The following DZANK1 variants were observed in gnomAD, a reference collection of about 807,000 sequenced individuals.
The protein encoded by DZANK1 is double zinc ribbon and ankyrin repeat domains 1.
A neutral mutation model predicts 94.5 loss-of-function variants in DZANK1; 91 were observed. The observed-to-expected ratio is 0.96, with a 90% CI of 0.81 to 1.15. DZANK1 has a LOEUF of 1.15. DZANK1 is among the 50% of genes most tolerant of loss of function. The pLI is 0.00. For synonymous variants in DZANK1, 312 were observed against 325.3 expected (o/e 0.96, Z 0.44); for missense variants, 903 against 916.4 (o/e 0.99, Z 0.19).
chr20:18,466,116 A>G (rs1466444106), intron 1 of DZANK1, among the ~76,000 whole-genome samples: 2 of 152,202 alleles, frequency 1.3e-5, no homozygotes, highest in Admixed American at 6.5e-5. Flanking sequence ...AGAAGGTTTC[A>G]GGGGGAAAAA....
chr20:18,443,319 A>G, intron 8 of DZANK1, 28 bp downstream of exon 8: 8 of 1,384,714 alleles, frequency 5.8e-6, no homozygotes, highest in Non-Finnish European at 8.0e-6. Context: ...AACCAATGAA[A>G]GATGTTTTTA....
Position 18,415,323 on chromosome 20 carries a change from C to A in DZANK1, c.1077+4G>T. The A allele has an allele frequency of 6.5e-7, 1 of 1,531,430 alleles. No homozygotes were observed. The highest frequency in any genetic ancestry group is 8.8e-7 in the Non-Finnish European group (1 of 1,135,088). The allele number at this position is 1,531,430 out of a possible 1,614,324, so 94.9% of individuals were successfully genotyped here. ...ATACAGAATCTCAGTTTTAAAATAC[C>A]CACCATGGCTCCACACCAGCCGCAG... On this transcript the variant is annotated splice_donor_region_variant and intron_variant, in intron 11 of 20. Transcript: ENST00000262547.
chr20:18,410,645 C>CA (rs566905772), intron 13 of DZANK1, among the ~76,000 whole-genome samples: 5 of 151,918 alleles, frequency 3.3e-5, no homozygotes, highest in South Asian at 4.2e-4. Flanking sequence ...TCAGAATGGA[C>CA]AAAAAACCCT....
intron 13 of DZANK1, among the ~76,000 whole-genome samples, chr20:18,411,562 C>G (rs967740709): frequency 1.3e-5 from 2 of 151,898 alleles, no homozygotes; most frequent in African/African-American, 4.8e-5. Flanking sequence ...TAGTTAATAC[C>G]AATTCTTCAT....
At chr20:18,435,763 T>TAAA (rs527816359) in intron 8 of DZANK1, among the ~76,000 whole-genome samples, 1 of 138,830 alleles carries the variant, frequency 7.2e-6, no homozygotes. Context: ...AAAGTATAAT[T>TAAA]AAAAAAAAAA....
intron 2 of DZANK1, among the ~76,000 whole-genome samples, chr20:18,464,663 G>A (rs957410287): frequency 2.0e-5 from 3 of 147,474 alleles, no homozygotes; most frequent in Non-Finnish European, 4.5e-5. Flanking sequence ...GGGGAGCACC[G>A]GGACTTTTTT....
At chr20:18,420,163 G>C (rs2057708873) in intron 10 of DZANK1, 1 of 198,520 alleles carries the variant, frequency 5.0e-6, no homozygotes, top group African/African-American at 2.3e-5. Flanking sequence ...ATAATGGTCA[G>C]TGTTTTAAAG....
intron 10 of DZANK1, among the ~76,000 whole-genome samples, chr20:18,426,417 C>T (rs2058046727): frequency 6.6e-6 from 1 of 152,118 alleles, no homozygotes; most frequent in South Asian, 2.1e-4. Flanking sequence ...AGGAATCTGT[C>T]CGAGATGAGA....
chr20:18,447,281 G>A, intron 7 of DZANK1, among the ~76,000 whole-genome samples: 1 of 151,860 alleles, frequency 6.6e-6, no homozygotes, highest in East Asian at 2.0e-4. Flanking sequence ...TTCTAGACTA[G>A]CCTGGCCAAC....
chr20:18,424,200 A>G, intron 10 of DZANK1, among the ~76,000 whole-genome samples: 1 of 152,246 alleles, frequency 6.6e-6, no homozygotes. Flanking sequence ...CTGTAATCCC[A>G]GCACTTTGGG....
chr20:18,427,023 A>T (rs746809467), intron 10 of DZANK1, 44 bp downstream of exon 10: 1 of 1,405,146 alleles, frequency 7.1e-7, no homozygotes, highest in Non-Finnish European at 9.9e-7. Context: ...TAACATTGAC[A>T]TAGTAGCCAC....
rs879296328 is a variant in DZANK1, at chr20:18,399,867, T to G, written c.1433-1241A>C. Among the ~76,000 whole-genome samples, 9 of 152,302 alleles carry G rather than the reference T, an allele frequency of 5.9e-5. 1 individual carries two copies. Among genetic ancestry groups the G allele is most frequent in the Admixed American group, 4.6e-4 (7 of 15,302 alleles). On this transcript the variant is annotated intron_variant, in intron 13 of 20. Transcript: ENST00000262547. ...GCCCCTGCTGTGCCCTGTGGCCACTTGACTCTGCAAACCCACATTGGATCC... is the reference window on the plus strand; with the variant it reads ...GCCCCTGCTGTGCCCTGTGGCCACTGGACTCTGCAAACCCACATTGGATCC...
chr20:18,455,375 T>G lies in DZANK1; in HGVS notation c.264-14A>C. ...TGTCTGCAGTCTCTGAAAATTATTA[T>G]TAAGAAAGGAAAAAGTCTGTGTTAC... is the stretch of plus-strand genomic sequence containing the variant. On this transcript the variant is annotated splice_polypyrimidine_tract_variant and intron_variant, in intron 3 of 20. Transcript: ENST00000262547. 6.4e-7 allele frequency: 1 copy of G among 1,557,496 alleles called. No homozygotes were observed. Among genetic ancestry groups the G allele is most frequent in the Non-Finnish European group, 8.7e-7 (1 of 1,146,062 alleles).
chr20:18,437,172 A>G (rs1198571091), intron 8 of DZANK1, among the ~76,000 whole-genome samples: 1 of 152,232 alleles, frequency 6.6e-6, no homozygotes, highest in Non-Finnish European at 1.5e-5. Flanking sequence ...TTTAAATGAC[A>G]TAAGATTGTA....
intron 14 of DZANK1, among the ~76,000 whole-genome samples, chr20:18,398,132 C>CTGAT (rs1462073237): frequency 6.6e-6 from 1 of 152,166 alleles, no homozygotes; most frequent in Non-Finnish European, 1.5e-5. Flanking sequence ...GAATACAATG[C>CTGAT]TGATGCTGGG....
intron 13 of DZANK1, among the ~76,000 whole-genome samples, chr20:18,402,377 T>C (rs1332045620): frequency 6.6e-6 from 1 of 152,080 alleles, no homozygotes; most frequent in Non-Finnish European, 1.5e-5. Context: ...ATCAGGCATG[T>C]GCACTAAGAA....
chr20:18,445,927 T>C (rs2058861413), intron 7 of DZANK1, among the ~76,000 whole-genome samples: 1 of 151,998 alleles, frequency 6.6e-6, no homozygotes, highest in Non-Finnish European at 1.5e-5. Flanking sequence ...CTAATTTTTT[T>C]TTGGTATGTA....
At chr20:18,397,648 C>T (rs1286627808) in intron 14 of DZANK1, among the ~76,000 whole-genome samples, 3 of 152,192 alleles carry the variant, frequency 2.0e-5, no homozygotes, top group African/African-American at 7.2e-5. Context: ...GAGGGCATAG[C>T]AGAGATAGCT....
At chr20:18,400,673 A>G (rs780692248) in intron 13 of DZANK1, among the ~76,000 whole-genome samples, 47 of 152,206 alleles carry the variant, frequency 3.1e-4, no homozygotes, top group Non-Finnish European at 6.3e-4. Context: ...AGAGTCCACT[A>G]TGAGTAATCG....
Sources: allele counts gnomAD v4.1 joint callset (sites outside exome capture counted in the v4.1 genomes callset), GRCh38; gene constraint gnomAD v4.1.1; transcripts MANE v1.5; gene names NCBI Gene and HGNC (gene_info 2026-07-23, HGNC 2026-07-21).